Variants in HMCN1 observed in about 807,000 individuals in gnomAD.
The protein encoded by HMCN1 is hemicentin 1, also known as hemicentin-1.
A neutral mutation model predicts 625.9 loss-of-function variants in HMCN1; 321 were observed. That is an observed-to-expected ratio of 0.51 (90% CI 0.47 to 0.56). The LOEUF (loss-of-function observed/expected upper bound fraction) is 0.56, where lower values mean the gene tolerates loss of function less well. Ranked by LOEUF, HMCN1 falls within the 20% of genes least tolerant of loss-of-function variation. HMCN1 has a pLI of 0.00. For synonymous variants in HMCN1, 2,425 were observed against 2,417.6 expected (o/e 1.00, Z -0.09); for missense variants, 6,588 against 6,887.3 (o/e 0.96, Z 1.54).
At chr1:186,108,670 T>C in intron 71 of HMCN1, 73 bp downstream of exon 71, 4 of 1,558,460 alleles carry the variant, frequency 2.6e-6, no homozygotes, top group Non-Finnish European at 3.5e-6. Context: ...CTAGGGCCTT[T>C]GCTGGGTACA....
intron 102 of HMCN1, among the ~76,000 whole-genome samples, chr1:186,173,881 T>C (rs560733691): frequency 6.6e-6 from 1 of 152,184 alleles, no homozygotes; most frequent in South Asian, 2.1e-4. Flanking sequence ...TACCCAATCT[T>C]GGCAACTGAG....
rs370942215 is a variant in HMCN1, at chr1:185,974,544, C to A, written c.2372-3243C>A. On this transcript the variant is annotated intron_variant, in intron 15 of 106. Coordinates refer to ENST00000271588, the MANE Select transcript of HMCN1 (RefSeq NM_031935.3). ...CAGCCTCCTCTGTAGAAGCACCGTGCACCGTACTACACTCACTGCTGTTCT... is the reference window on the plus strand; with the variant it reads ...CAGCCTCCTCTGTAGAAGCACCGTGAACCGTACTACACTCACTGCTGTTCT... Among the ~76,000 whole-genome samples the A allele has an allele frequency of 9.2e-5, 14 of 152,260 alleles. 1 individual carries two copies. In the East Asian group the frequency reaches 2.5e-3, roughly 27 times the overall value.
intron 14 of HMCN1, among the ~76,000 whole-genome samples, chr1:185,967,631 A>T (rs958767258): frequency 7.2e-5 from 11 of 152,058 alleles, no homozygotes; most frequent in Admixed American, 2.6e-4. Flanking sequence ...AGGACCACCA[A>T]GAGCAAATCT....
At chr1:186,104,043 A>G (rs1392018107) in intron 69 of HMCN1, among the ~76,000 whole-genome samples, 1 of 152,150 alleles carries the variant, frequency 6.6e-6, no homozygotes, top group African/African-American at 2.4e-5. Flanking sequence ...TCCAAAATGA[A>G]CTAGCCGATA....
chr1:186,087,046 TAAAGG>T (rs1659541588), intron 58 of HMCN1, among the ~76,000 whole-genome samples, 166 bp from the exon 59 acceptor site: 2 of 152,082 alleles, frequency 1.3e-5, no homozygotes, highest in African/African-American at 2.4e-5. Context: ...AGGTGAATAA[TAAAGG>T]AAAGATCAAA....
At chr1:185,827,595 A>G (rs1660604444) in intron 1 of HMCN1, among the ~76,000 whole-genome samples, 1 of 152,134 alleles carries the variant, frequency 6.6e-6, no homozygotes, top group African/African-American at 2.4e-5. Context: ...GTTTTAAAAG[A>G]TTAGACAGAA....
chr1:186,147,331 G>A (rs1259080789), intron 93 of HMCN1, among the ~76,000 whole-genome samples: 2 of 150,646 alleles, frequency 1.3e-5, no homozygotes, highest in African/African-American at 4.9e-5. Context: ...TTATTTGTGG[G>A]ATTTAGATTG....
At position 186,178,662 on chromosome 1, in the gene HMCN1, C is replaced by G. The variant is rs769987491; in HGVS notation, c.16190C>G (p.Ser5397Cys). The change falls in exon 104 of 107, where the codon TCC (serine) becomes TGC (cysteine). Residue 5397 changes from serine (S) to cysteine (C), a missense_variant. Transcript: ENST00000271588. ...AGACAGTACTCACATCTCTACAGCT[C>G]CTACTCAGAGTATAGAAACAGCAGA... is the stretch of plus-strand genomic sequence containing the variant. ...HYRQYSHLYS[S>C]YSEYRNSRTS... 3 of 1,613,844 alleles carry G rather than the reference C, an allele frequency of 1.9e-6. No individual in the cohort carries two copies. Among genetic ancestry groups the G allele is most frequent in the Non-Finnish European group, 2.5e-6 (3 of 1,179,822 alleles).
At chr1:186,097,890 A>G (rs1163158302) in intron 68 of HMCN1, among the ~76,000 whole-genome samples, 2 of 152,194 alleles carry the variant, frequency 1.3e-5, no homozygotes, top group Non-Finnish European at 2.9e-5. Context: ...GCTCAGAAAT[A>G]AATTCATGCA....
At position 186,060,645 on chromosome 1, in the gene HMCN1, G is replaced by A. The variant is rs78545195; in HGVS notation, c.7313-1206G>A. On this transcript the variant is annotated intron_variant, in intron 46 of 106. Coordinates refer to ENST00000271588, the MANE Select transcript of HMCN1 (RefSeq NM_031935.3). ...GAAGCAAAAGCAGTGTATCACTAGT[G>A]CATGAAGTGACCCCATAACATTTTA... Among the ~76,000 whole-genome samples, 290 of 152,236 alleles carry A rather than the reference G, an allele frequency of 1.9e-3. 2 individuals carry two copies. The highest frequency in any genetic ancestry group is 6.8e-3 in the African/African-American group (281 of 41,548).
At position 185,981,326 on chromosome 1, in the gene HMCN1, G is replaced by GCACACA. The variant is rs58305455; in HGVS notation, c.2662+270_2662+275dup. Among the ~76,000 whole-genome samples, 169 of 147,844 alleles carry GCACACA rather than the reference G, an allele frequency of 1.1e-3. 1 individual carries two copies. The highest frequency in any genetic ancestry group is 4.1e-3 in the African/African-American group (166 of 40,532). On this transcript the variant is annotated intron_variant, in intron 17 of 106. Transcript: ENST00000271588. Reference sequence around the variant, plus strand: ...CAAATCTAAATATGAATACACACATGCACACACACACACACACACACATAT... The same window carrying GCACACA: ...CAAATCTAAATATGAATACACACATGCACACACACACACACACACACACACACATAT...
At chr1:186,064,346 G>A (rs988349115) in intron 48 of HMCN1, among the ~76,000 whole-genome samples, 1 of 151,814 alleles carries the variant, frequency 6.6e-6, no homozygotes, top group Non-Finnish European at 1.5e-5. Flanking sequence ...CCTAGAGGCT[G>A]TAAATATTAA....
intron 1 of HMCN1, among the ~76,000 whole-genome samples, chr1:185,788,003 A>C (rs906215139): frequency 6.6e-6 from 1 of 152,198 alleles, no homozygotes; most frequent in Non-Finnish European, 1.5e-5. Flanking sequence ...AAATACTGAT[A>C]CCCAGGCAGT....
chr1:185,744,066 G>A, intron 1 of HMCN1, among the ~76,000 whole-genome samples: 1 of 139,474 alleles, frequency 7.2e-6, no homozygotes, highest in Non-Finnish European at 1.5e-5. Context: ...TCGGCTCACT[G>A]CAAGCTCCGC....
intron 91 of HMCN1, 127 bp downstream of exon 91, chr1:186,144,830 T>C: frequency 8.9e-7 from 1 of 1,120,978 alleles, no homozygotes; most frequent in Admixed American, 1.9e-5. Flanking sequence ...CAGAATGTTG[T>C]AAGGTTGCTG....
At chr1:186,064,855 A>G (rs905309384) in intron 48 of HMCN1, among the ~76,000 whole-genome samples, 2 of 151,750 alleles carry the variant, frequency 1.3e-5, no homozygotes, top group Admixed American at 6.6e-5. Flanking sequence ...CTGTTCACGA[A>G]TAATAGTTTT....
chr1:186,102,328 A>G (rs1025358432), intron 68 of HMCN1, among the ~76,000 whole-genome samples: 1 of 152,150 alleles, frequency 6.6e-6, no homozygotes, highest in African/African-American at 2.4e-5. Context: ...CTGACTTAGT[A>G]TATTATCTTT....
chr1:185,818,593 T>C (rs1659984178), intron 1 of HMCN1, among the ~76,000 whole-genome samples: 1 of 152,192 alleles, frequency 6.6e-6, no homozygotes, highest in Non-Finnish European at 1.5e-5. Context: ...TAATACAATA[T>C]GGATTTTTAT....
At chr1:185,964,064 A>C (rs1253312282) in intron 13 of HMCN1, among the ~76,000 whole-genome samples, 169 bp downstream of exon 13, 1 of 152,188 alleles carries the variant, frequency 6.6e-6, no homozygotes, top group Admixed American at 6.6e-5. Flanking sequence ...TTAAGTTAAA[A>C]GTTCATAGAG....
Sources: allele counts gnomAD v4.1 joint callset (sites outside exome capture counted in the v4.1 genomes callset), GRCh38; gene constraint gnomAD v4.1.1; transcripts MANE v1.5; gene names NCBI Gene and HGNC (gene_info 2026-07-23, HGNC 2026-07-21).